Variants in ARV1 observed in about 807,000 individuals in gnomAD.
ARV1 encodes ARV1 fatty acid homeostasis modulator, also known as protein ARV1.
ARV1 carries 26 observed loss-of-function variants against 31.1 expected under a neutral mutation model. The ratio of observed to expected loss-of-function variants is 0.84; its 90% CI spans 0.61 to 1.16. The LOEUF is 1.16. Ranked by LOEUF, ARV1 falls within the 50% of genes most tolerant of loss-of-function variation. The pLI is 0.00. For missense variants in ARV1, 281 were observed against 324.9 expected (o/e 0.86, Z 1.04); for synonymous variants, 117 against 123.2 (o/e 0.95, Z 0.34).
At chr1:230,989,938 A>G (rs1005195839) in intron 2 of ARV1, among the ~76,000 whole-genome samples, 172 bp from the exon 3 acceptor site, 2 of 152,202 alleles carry the variant, frequency 1.3e-5, no homozygotes, top group African/African-American at 2.4e-5. Flanking sequence ...CTTCTGATGG[A>G]CATTGCTGAT....
At chr1:230,982,762 C>A (rs1678945011) in intron 1 of ARV1, among the ~76,000 whole-genome samples, 1 of 152,128 alleles carries the variant, frequency 6.6e-6, no homozygotes, top group Admixed American at 6.5e-5. Context: ...AAAATTAAAC[C>A]ATGAAGCAAT....
chr1:230,982,408 T>A (rs1205312533), intron 1 of ARV1, among the ~76,000 whole-genome samples: 1 of 152,266 alleles, frequency 6.6e-6, no homozygotes, highest in Non-Finnish European at 1.5e-5. Flanking sequence ...AAAAAATCTC[T>A]TTTTGTTGGC....
intron 5 of ARV1, among the ~76,000 whole-genome samples, chr1:230,998,990 C>A (rs1191838318): frequency 6.6e-6 from 1 of 152,208 alleles, no homozygotes; most frequent in Non-Finnish European, 1.5e-5. Flanking sequence ...GCTCCAGAAA[C>A]CTCTGGCTTT....
intron 1 of ARV1, among the ~76,000 whole-genome samples, chr1:230,980,826 T>G (rs931434214): frequency 6.6e-6 from 1 of 151,948 alleles, no homozygotes; most frequent in African/African-American, 2.4e-5. Flanking sequence ...CCCCTTTAGC[T>G]TCTGCTCTTT....
chr1:230,994,769 C>T (rs2103054996), intron 3 of ARV1, among the ~76,000 whole-genome samples: 1 of 152,278 alleles, frequency 6.6e-6, no homozygotes, highest in Non-Finnish European at 1.5e-5. Context: ...TGATCTCAAT[C>T]TCCTGACCTT....
At chr1:230,987,291 G>A (rs1572337846) in intron 1 of ARV1, among the ~76,000 whole-genome samples, 1 of 152,132 alleles carries the variant, frequency 6.6e-6, no homozygotes, top group East Asian at 1.9e-4. Context: ...GCTTATTTCT[G>A]GATTTTTCCA....
chr1:230,989,407 G>A (rs933401194), intron 2 of ARV1, among the ~76,000 whole-genome samples: 1 of 152,160 alleles, frequency 6.6e-6, no homozygotes, highest in Non-Finnish European at 1.5e-5. Flanking sequence ...AAAGTATTGG[G>A]ATTACAGGCA....
intron 1 of ARV1, among the ~76,000 whole-genome samples, chr1:230,982,679 A>G (rs1310196623): frequency 6.6e-6 from 1 of 152,238 alleles, no homozygotes; most frequent in South Asian, 2.1e-4. Context: ...TGTCGCTATC[A>G]TGCTAATGCA....
chr1:230,995,704 A>AG, intron 3 of ARV1, 56 bp from the exon 4 acceptor site: 1 of 1,334,038 alleles, frequency 7.5e-7, no homozygotes, highest in South Asian at 1.3e-5. Flanking sequence ...TTTGTTTTTA[A>AG]GGGGATATAT....
intron 1 of ARV1, among the ~76,000 whole-genome samples, chr1:230,984,387 T>C (rs1253344532): frequency 1.3e-5 from 2 of 151,632 alleles, no homozygotes; most frequent in Non-Finnish European, 2.9e-5. Context: ...TGTGTGTGTG[T>C]GTGTGTGTGT....
intron 4 of ARV1, 50 bp from the exon 5 acceptor site, chr1:230,997,071 C>G: frequency 6.3e-7 from 1 of 1,589,468 alleles, no homozygotes; most frequent in African/African-American, 1.4e-5. Context: ...ATTTACATGT[C>G]AATATCGTTT....
intron 2 of ARV1, 24 bp downstream of exon 2, chr1:230,988,463 T>A (rs1679142645): frequency 9.6e-6 from 14 of 1,462,616 alleles, no homozygotes; most frequent in Non-Finnish European, 1.2e-5. Flanking sequence ...ATTTCATTTT[T>A]TAATTTTATT....
chr1:230,984,021 G>T (rs112180254), intron 1 of ARV1, among the ~76,000 whole-genome samples: 8 of 152,338 alleles, frequency 5.3e-5, no homozygotes, highest in South Asian at 2.1e-4. Flanking sequence ...GATCACTTGA[G>T]GTCAGTAGTT....
At chr1:230,984,876 C>T (rs557034710) in intron 1 of ARV1, among the ~76,000 whole-genome samples, 4 of 152,288 alleles carry the variant, frequency 2.6e-5, no homozygotes, top group African/African-American at 9.6e-5. Flanking sequence ...GAGAAAAATC[C>T]TGGGAACTTC....
At chr1:230,999,906 A>T (rs1036944010) in intron 5 of ARV1, 2 of 152,214 alleles carry the variant, frequency 1.3e-5, no homozygotes, top group Non-Finnish European at 2.9e-5. Flanking sequence ...ATCACTTGAA[A>T]GCCATTACCC....
chr1:230,979,292 G>T lies in ARV1; in HGVS notation c.174+13G>T. The T allele has an allele frequency of 6.2e-7, 1 of 1,613,070 alleles. No homozygotes were observed. The highest frequency in any genetic ancestry group is 8.5e-7 in the Non-Finnish European group (1 of 1,179,560). ...GATAACCATCTGTGTGAGTTGTCAG[G>T]TGTGGGGTGCCCTTGAGAAGAAAAT... is the stretch of plus-strand genomic sequence containing the variant. On this transcript the variant is annotated intron_variant, in intron 1 of 5. Transcript: ENST00000310256.
intron 1 of ARV1, among the ~76,000 whole-genome samples, chr1:230,982,077 G>A (rs1678926802): frequency 6.6e-6 from 1 of 152,188 alleles, no homozygotes; most frequent in Admixed American, 6.5e-5. Flanking sequence ...CTACTGGAAA[G>A]TAAGCTACAC....
At chr1:230,990,643 C>T in intron 3 of ARV1, 1 of 357,964 alleles carries the variant, frequency 2.8e-6, no homozygotes, top group Non-Finnish European at 5.7e-6. Flanking sequence ...CAGCCCTGAA[C>T]TCCTGGGCTC....
chr1:230,992,070 AAC>A (rs1679244479), intron 3 of ARV1, among the ~76,000 whole-genome samples: 1 of 152,206 alleles, frequency 6.6e-6, no homozygotes, highest in African/African-American at 2.4e-5. Flanking sequence ...ATTTGCACGC[AAC>A]ACAGAGTAGT....
Sources: gnomAD v4.1 joint callset for allele counts (sites outside exome capture counted in the v4.1 genomes callset) on GRCh38, gnomAD v4.1.1 for gene constraint, MANE v1.5 for transcripts, NCBI Gene and HGNC (gene_info 2026-07-23, HGNC 2026-07-21) for gene names.